ZNF608: variants seen among roughly 807,000 people sequenced by gnomAD.
ZNF608 encodes the protein zinc finger protein 608, also known as renal carcinoma antigen NY-REN-36.
A neutral mutation model predicts 109.0 loss-of-function variants in ZNF608; 12 were observed. The observed-to-expected ratio is 0.11, with a 90% CI of 0.07 to 0.18. The LOEUF (loss-of-function observed/expected upper bound fraction) is 0.18. Among genes scored for constraint, ZNF608 ranks in the 10% least tolerant of loss-of-function variants. The pLI is 1.00. For missense variants in ZNF608, 1,707 were observed against 1,879.3 expected (o/e 0.91, Z 1.70); for synonymous variants, 732 against 717.4 (o/e 1.02, Z -0.33).
intron 2 of ZNF608, among the ~76,000 whole-genome samples, chr5:124,704,476 C>T (rs979218606): frequency 2.0e-5 from 3 of 152,148 alleles, no homozygotes; most frequent in South Asian, 2.1e-4. Context: ...CTACCATAGG[C>T]CCCTCTTCCT....
chr5:124,726,949 G>T (rs932130407), intron 2 of ZNF608, among the ~76,000 whole-genome samples: 1 of 152,332 alleles, frequency 6.6e-6, no homozygotes, highest in Admixed American at 6.5e-5. Context: ...CCGGGCTTTG[G>T]ATCCTCTCTC....
Position 124,689,465 on chromosome 5 carries a change from T to TC in ZNF608, c.1162+11548dup, listed in dbSNP as rs200565944. ...TAAGACCAGAGTAAGACCCTGTCCC[T>TC]CAAAAAAAAAAAAAGAGAGAGACAG... On this transcript the variant is annotated intron_variant, in intron 3 of 9. Coordinates refer to ENST00000513986, the MANE Select transcript of ZNF608 (RefSeq NM_020747.3). Among the ~76,000 whole-genome samples, 477 of 108,674 alleles carry TC rather than the reference T, an allele frequency of 4.4e-3. 3 individuals carry two copies. Among genetic ancestry groups the TC allele is most frequent in the East Asian group, 0.014 (60 of 4,162 alleles). The allele number at this position is 108,674 out of a possible 152,430, so 71.3% of individuals were successfully genotyped here.
chr5:124,736,796 G>C (rs1165890116), intron 2 of ZNF608, among the ~76,000 whole-genome samples: 1 of 152,214 alleles, frequency 6.6e-6, no homozygotes, highest in Non-Finnish European at 1.5e-5. Flanking sequence ...GTTTATGAAA[G>C]TGTGACCAAT....
intron 2 of ZNF608, among the ~76,000 whole-genome samples, chr5:124,716,938 G>A (rs1027255952): frequency 1.1e-4 from 16 of 151,232 alleles, no homozygotes; most frequent in Middle Eastern, 3.4e-3. Context: ...AAAATTAGCC[G>A]GGCCATGGTG....
chr5:124,695,594 G>A lies in ZNF608; in HGVS notation c.1162+5420C>T, dbSNP rs376398245. 3.1e-3 allele frequency among the ~76,000 whole-genome samples: 477 copies of A among 151,726 alleles called. 5 individuals are homozygous for A. The highest frequency in any genetic ancestry group is 0.011 in the African/African-American group (445 of 41,400). ...AGCATGGGCAACATGGCAAAACCTC[G>A]TGTCTACAAAAAATACAAAAAAAAA... is the stretch of plus-strand genomic sequence containing the variant. On this transcript the variant is annotated intron_variant, in intron 3 of 9. Transcript: ENST00000513986.
intron 2 of ZNF608, among the ~76,000 whole-genome samples, chr5:124,709,670 G>A (rs980973372): frequency 3.3e-5 from 5 of 152,260 alleles, no homozygotes; most frequent in South Asian, 2.1e-4. Flanking sequence ...CAAAAGTGCC[G>A]CTGACATCTT....
chr5:124,707,185 C>T lies in ZNF608; in HGVS notation c.907-5916G>A, dbSNP rs533504260. On this transcript the variant is annotated intron_variant, in intron 2 of 9. Coordinates refer to ENST00000513986, the MANE Select transcript of ZNF608 (RefSeq NM_020747.3). ...AGTGATGCTTTCAGTACCAGGAAAC[C>T]GACAGCCAGTGAGGATAGGTGGCCA... 1.2e-4 allele frequency among the ~76,000 whole-genome samples: 19 copies of T among 152,250 alleles called. No individual in the cohort carries two copies. In the East Asian group the frequency reaches 2.7e-3, roughly 22 times the overall value.
intron 5 of ZNF608, among the ~76,000 whole-genome samples, chr5:124,645,383 T>C (rs1055230925): frequency 1.3e-5 from 2 of 152,146 alleles, no homozygotes; most frequent in African/African-American, 4.8e-5. Context: ...CCTCTGTAAG[T>C]GGGGAAACTG....
intron 2 of ZNF608, among the ~76,000 whole-genome samples, chr5:124,735,459 T>C (rs960562946): frequency 5.3e-5 from 8 of 152,206 alleles, no homozygotes; most frequent in African/African-American, 1.9e-4. Flanking sequence ...GCCCTCCATC[T>C]GCTCCCATAG....
At chr5:124,709,547 A>G (rs193029219) in intron 2 of ZNF608, among the ~76,000 whole-genome samples, 1 of 152,326 alleles carries the variant, frequency 6.6e-6, no homozygotes, top group Admixed American at 6.5e-5. Flanking sequence ...GTGGAGGCGG[A>G]GCAGACACAG....
intron 1 of ZNF608, among the ~76,000 whole-genome samples, chr5:124,745,635 C>T (rs1256608972): frequency 6.6e-6 from 1 of 152,212 alleles, no homozygotes; most frequent in East Asian, 1.9e-4. Flanking sequence ...CCTGGAAGTT[C>T]TGAGGCTAGT....
chr5:124,646,765 G>T lies in ZNF608; in HGVS notation c.3619C>A (p.Gln1207Lys). ...ATTTCTACAGCCTCCTTAATAAGCTGGTGGTTTTCCATCTGCTTAGCTTTG... is the reference window on the plus strand; with the variant it reads ...ATTTCTACAGCCTCCTTAATAAGCTTGTGGTTTTCCATCTGCTTAGCTTTG... Reference protein sequence around the residue: ...SFKAKQMENHQLIKEAVEMKS... With the variant: ...SFKAKQMENHKLIKEAVEMKS... Residue 1207 changes from glutamine (Q) to lysine (K), a missense_variant, in exon 5 of 10, where the codon CAG becomes AAG. Physicochemically the swap from Gln to Lys is moderately conservative, Grantham distance 53 (BLOSUM62 1). Around this residue, in one of 7 missense-constraint regions of ZNF608, gnomAD observed 1,073 missense variants for 1,133.5 expected, o/e 0.95. Transcript: ENST00000513986. 1 of 1,614,206 alleles carries T rather than the reference G, an allele frequency of 6.2e-7. No individual in the cohort carries two copies. Among genetic ancestry groups the T allele is most frequent in the Non-Finnish European group, 8.5e-7 (1 of 1,180,042 alleles).
chr5:124,685,618 G>GAA (rs763936854), intron 3 of ZNF608, among the ~76,000 whole-genome samples: 17,549 of 135,926 alleles, frequency 0.13, 1,291 homozygotes, highest in Non-Finnish European at 0.18. Context: ...AAATCTAGAG[G>GAA]AAAAAAAAAA....
At chr5:124,638,341 C>T (rs1484562128) in intron 9 of ZNF608, among the ~76,000 whole-genome samples, 1 of 152,120 alleles carries the variant, frequency 6.6e-6, no homozygotes, top group African/African-American at 2.4e-5. Flanking sequence ...ACTGCAACCT[C>T]CACCTCCTGG....
chr5:124,731,197 T>C (rs1294233925), intron 2 of ZNF608, among the ~76,000 whole-genome samples: 1 of 152,210 alleles, frequency 6.6e-6, no homozygotes, highest in South Asian at 2.1e-4. Context: ...ACTTAGTGAC[T>C]ATGGCAGTGT....
intron 2 of ZNF608, chr5:124,708,595 C>G: frequency 2.5e-6 from 1 of 407,120 alleles, no homozygotes; most frequent in Non-Finnish European, 4.9e-6. Flanking sequence ...ACTTTAAAAC[C>G]TTACTGAAAC....
chr5:124,725,652 C>T (rs1227760287), intron 2 of ZNF608, among the ~76,000 whole-genome samples: 1 of 152,042 alleles, frequency 6.6e-6, no homozygotes, highest in East Asian at 1.9e-4. Context: ...CAACAATACC[C>T]TGCACAGTGA....
At chr5:124,675,456 C>T (rs1751904760) in intron 3 of ZNF608, among the ~76,000 whole-genome samples, 1 of 152,222 alleles carries the variant, frequency 6.6e-6, no homozygotes, top group Non-Finnish European at 1.5e-5. Flanking sequence ...ATTCCCTTCA[C>T]AAACATTTAG....
At chr5:124,642,204 A>T (rs1056111625) in intron 7 of ZNF608, among the ~76,000 whole-genome samples, 20 of 152,160 alleles carry the variant, frequency 1.3e-4, no homozygotes, top group Non-Finnish European at 1.5e-5. Flanking sequence ...GCCAAGCACC[A>T]TCCTATTTTT....
Sources: gnomAD v4.1 joint callset for allele counts (sites outside exome capture counted in the v4.1 genomes callset) on GRCh38, gnomAD v4.1.1 for gene constraint, gnomAD v4.1.1 regional missense constraint, MANE v1.5 for transcripts, NCBI Gene and HGNC (gene_info 2026-07-23, HGNC 2026-07-21) for gene names.